The following HOMER2 variants were observed in gnomAD, a reference collection of about 807,000 sequenced individuals.
The protein encoded by HOMER2 is homer scaffold protein 2.
A neutral mutation model predicts 47.0 loss-of-function variants in HOMER2; 27 were observed. The observed-to-expected ratio is 0.57, with a 90% CI of 0.42 to 0.79. HOMER2 has a LOEUF of 0.79. Among genes scored for constraint, HOMER2 ranks in the 30% least tolerant of loss-of-function variants. The pLI is 0.00. For missense variants in HOMER2, 443 were observed against 435.0 expected (o/e 1.02, Z -0.16); for synonymous variants, 161 against 163.8 (o/e 0.98, Z 0.13).
At chr15:82,892,882 C>T (rs2052763266) in intron 1 of HOMER2, 41 bp from the exon 2 acceptor site, 1 of 1,417,964 alleles carries the variant, frequency 7.1e-7, no homozygotes. Flanking sequence ...GAGAACATGA[C>T]TTAATGTATA....
At chr15:82,853,544 G>A (rs912688688) in intron 6 of HOMER2, among the ~76,000 whole-genome samples, 34 of 152,178 alleles carry the variant, frequency 2.2e-4, no homozygotes, top group African/African-American at 7.0e-4. Flanking sequence ...GGAGAAAAGG[G>A]GGTCAAGGGG....
downstream of HOMER2, chr15:82,846,415 A>AC (rs1362830130): frequency 6.6e-6 from 1 of 152,234 alleles, no homozygotes; most frequent in Non-Finnish European, 1.5e-5. Context: ...ACATTTTTGT[A>AC]AACTGTCCTT....
upstream of HOMER2, among the ~76,000 whole-genome samples, chr15:82,957,337 C>T (rs1481289402): frequency 2.0e-5 from 3 of 151,478 alleles, no homozygotes; most frequent in Non-Finnish European, 4.4e-5. Context: ...TAGCTCAGTC[C>T]CTAGTATAGT....
chr15:82,914,318 C>A (rs1370137442), intron 1 of HOMER2, among the ~76,000 whole-genome samples: 1 of 147,120 alleles, frequency 6.8e-6, no homozygotes, highest in Non-Finnish European at 1.5e-5. Flanking sequence ...GCAGAGCTTG[C>A]AGTGAGCCAA....
In HOMER2 at chr15:82,854,816, G is replaced by A. The variant is rs769831497; in HGVS notation, c.495-16C>T. 5.2e-5 allele frequency: 84 copies of A among 1,601,694 alleles called. No individual in the cohort carries two copies. The highest frequency in any genetic ancestry group is 1.8e-4 in the Middle Eastern group (1 of 5,608). ...GTTGGCTGCGCTGCAGGACAGGGACGGGCGGTGACGACGGGGTGGGTGCTG... is the reference window on the plus strand; with the variant it reads ...GTTGGCTGCGCTGCAGGACAGGGACAGGCGGTGACGACGGGGTGGGTGCTG... On this transcript the variant is annotated splice_polypyrimidine_tract_variant and intron_variant, in intron 5 of 8. Coordinates refer to ENST00000450735, the MANE Select transcript of HOMER2 (RefSeq NM_004839.4).
At chr15:82,974,452 A>T (rs1302093556) in intron 1 of HOMER2, among the ~76,000 whole-genome samples, 1 of 152,022 alleles carries the variant, frequency 6.6e-6, no homozygotes, top group African/African-American at 2.4e-5. Flanking sequence ...AAGGTTCTCC[A>T]CTCACCTATG....
intron 4 of HOMER2, among the ~76,000 whole-genome samples, chr15:82,862,066 CTCTCT>C (rs1224012115): frequency 3.1e-4 from 40 of 129,778 alleles, no homozygotes; most frequent in African/African-American, 1.2e-3. Flanking sequence ...TAGTCTTTCT[CTCTCT>C]TTTTTTTTTT....
At chr15:82,895,980 A>C (rs145673058) in intron 1 of HOMER2, among the ~76,000 whole-genome samples, 1 of 152,222 alleles carries the variant, frequency 6.6e-6, no homozygotes, top group Non-Finnish European at 1.5e-5. Flanking sequence ...AAAAAAGAAA[A>C]AAAGAAGTGG....
chr15:82,844,801 C>T (rs906851078), downstream of HOMER2: 1 of 152,230 alleles, frequency 6.6e-6, no homozygotes, highest in South Asian at 2.1e-4. Flanking sequence ...TCTTGCCTGT[C>T]ACATCATAAG....
At chr15:82,851,079 C>A in intron 8 of HOMER2, 72 bp downstream of exon 8, 1 of 976,108 alleles carries the variant, frequency 1.0e-6, no homozygotes, top group Non-Finnish European at 1.6e-6. Flanking sequence ...TGATAGGAAG[C>A]AGGAAAATGA....
At chr15:82,922,372 T>A (rs2053750820) in intron 1 of HOMER2, among the ~76,000 whole-genome samples, 1 of 152,190 alleles carries the variant, frequency 6.6e-6, no homozygotes, top group African/African-American at 2.4e-5. Context: ...TCAAGAACAC[T>A]TTTTGCAGGT....
intron 4 of HOMER2, among the ~76,000 whole-genome samples, chr15:82,863,781 C>T (rs752655407): frequency 3.3e-5 from 5 of 152,122 alleles, no homozygotes; most frequent in Non-Finnish European, 4.4e-5. Flanking sequence ...CTGTTAAAAC[C>T]GGAGATGAAC....
Position 82,854,761 on chromosome 15 carries a change from G to A in HOMER2, c.534C>T (p.Thr178=), listed in dbSNP as rs1596303130. The A allele has an allele frequency of 6.2e-7, 1 of 1,611,572 alleles. No individual in the cohort carries two copies. Among genetic ancestry groups the A allele is most frequent in the Non-Finnish European group, 8.5e-7 (1 of 1,179,774 alleles). The change falls in exon 6 of 9, where the codon ACC becomes ACT. Residue 178 remains threonine (T), a synonymous_variant. Transcript: ENST00000450735. The part of the protein sequence containing the change: ...NVKKWEIELQ[T]LRESNARLTT... ...TCAGCCGTGCATTGCTCTCCCGAAG[G>A]GTCTGCAGCTCGATCTCCCACTTCT...
chr15:82,945,256 A>G (rs1485061243), intron 1 of HOMER2, among the ~76,000 whole-genome samples: 2 of 152,126 alleles, frequency 1.3e-5, no homozygotes, highest in African/African-American at 2.4e-5. Context: ...CTTGTTCCAG[A>G]AAGGATTTAA....
chr15:82,852,405 T>C (rs530682200), intron 6 of HOMER2, 153 bp from the exon 7 acceptor site: 14 of 599,502 alleles, frequency 2.3e-5, no homozygotes, highest in South Asian at 1.5e-4. Flanking sequence ...ACAAACCCCA[T>C]GCAGCTCCAT....
At chr15:82,880,651 G>A (rs1019614976) in intron 2 of HOMER2, among the ~76,000 whole-genome samples, 1 of 152,180 alleles carries the variant, frequency 6.6e-6, no homozygotes, top group South Asian at 2.1e-4. Context: ...TATCCTTCCC[G>A]CCCATGGAGA....
intron 8 of HOMER2, among the ~76,000 whole-genome samples, chr15:82,850,701 G>A (rs1279186985): frequency 1.3e-5 from 2 of 152,184 alleles, no homozygotes; most frequent in Non-Finnish European, 2.9e-5. Flanking sequence ...CAGGGAAGAG[G>A]CGCTCCGAGG....
chr15:82,895,909 G>A (rs749175148), intron 1 of HOMER2, among the ~76,000 whole-genome samples: 45 of 152,148 alleles, frequency 3.0e-4, no homozygotes, highest in Admixed American at 1.2e-3. Flanking sequence ...AAGAACTCCA[G>A]GTGATTTTTA....
At chr15:82,958,166 C>T (rs746119647) in exon 2 of HOMER2, 4 of 152,072 alleles carry the variant, frequency 2.6e-5, no homozygotes, top group African/African-American at 9.7e-5. Flanking sequence ...AACTGAGCAC[C>T]TATTTTGAGC....
Sources: allele counts gnomAD v4.1 joint callset (sites outside exome capture counted in the v4.1 genomes callset), GRCh38; gene constraint gnomAD v4.1.1; transcripts MANE v1.5; gene names NCBI Gene and HGNC (gene_info 2026-07-23, HGNC 2026-07-21).